Variants in RRM2 observed in about 807,000 individuals in gnomAD.
RRM2 encodes ribonucleotide reductase regulatory subunit M2.
Under a neutral mutation model 45.9 loss-of-function variants are expected in RRM2, and 6 were observed. The ratio of observed to expected loss-of-function variants is 0.13; its 90% confidence interval spans 0.07 to 0.26. RRM2 has a LOEUF of 0.26. RRM2 is among the 10% of genes least tolerant of loss of function. The pLI is 1.00. For missense variants in RRM2, 343 were observed against 489.5 expected (o/e 0.70, Z 2.82); for synonymous variants, 177 against 173.0 (o/e 1.02, Z -0.18).
intron 3 of RRM2, chr2:10,145,925 G>T (rs1387819567): frequency 6.6e-6 from 1 of 152,318 alleles, no homozygotes; most frequent in African/African-American, 2.4e-5. Context: ...AGCTGGGACT[G>T]TGGATCCAAG....
At position 10,131,228 on chromosome 2, in the gene RRM2, G is replaced by A. The variant is rs960282805; in HGVS notation, c.*1842G>A. On this transcript the variant is annotated 3_prime_UTR_variant, in exon 10 of 10. Transcript: ENST00000304567. ...AAAATGAAAGGCTTTGTCTTGCATT[G>A]TGAGGTACAGGCGGAAGTTGGAATC... The A allele has an allele frequency of 6.6e-6, 1 of 152,168 alleles. No individual in the cohort carries two copies. Among genetic ancestry groups the A allele is most frequent in the South Asian group, 2.1e-4 (1 of 4,824 alleles). 9.4% of individuals were successfully genotyped at this position (152,168 alleles called of 1,614,324 possible). A position where few individuals can be genotyped will look rare whatever the true frequency, so the allele number is the denominator to read the frequency against.
intron 3 of RRM2, 87 bp from the exon 4 acceptor site, chr2:10,123,649 G>A: frequency 7.0e-7 from 1 of 1,424,444 alleles, no homozygotes. Flanking sequence ...AGTGGTGCCA[G>A]CATACTTAAA....
Position 10,204,647 on chromosome 2 carries a change from G to A in RRM2, n.483-5664G>A, listed in dbSNP as rs997520983. ...ATTAGGGACAGGACGCTAATGCATC[G>A]GCGCCCCATTGATTCTGCCTGGCTT... On this transcript the variant is annotated intron_variant and non_coding_transcript_variant, in intron 3 of 3. Transcript: ENST00000381786. This position sits in a 1 kb window ranked among gnomAD's most constrained non-coding sequence, Gnocchi z 4.0. 2.0e-5 allele frequency among the ~76,000 whole-genome samples: 3 copies of A among 152,312 alleles called. No individual in the cohort carries two copies. Among genetic ancestry groups the A allele is most frequent in the African/African-American group, 7.2e-5 (3 of 41,532 alleles).
rs1232839567 is a variant in RRM2 at position 10,169,044 on chromosome 2, C to G, written n.482+26669C>G. The stretch of plus-strand genomic sequence containing the variant: ...CTGGAGTGCAGTGGTACAATCACAG[C>G]TCACTGCAGCCTCCACTTCCCAGGC... On this transcript the variant is annotated intron_variant and non_coding_transcript_variant, in intron 3 of 3. Transcript: ENST00000381786. The surrounding 1 kb of genome is among the most constrained non-coding windows in gnomAD (Gnocchi z 5.1). 6.6e-6 allele frequency among the ~76,000 whole-genome samples: 1 copy of G among 152,176 alleles called. No individual in the cohort carries two copies. Among genetic ancestry groups the G allele is most frequent in the African/African-American group, 2.4e-5 (1 of 41,442 alleles).
intron 5 of RRM2, among the ~76,000 whole-genome samples, chr2:10,126,042 C>T (rs2125306827): frequency 6.6e-6 from 1 of 151,928 alleles, no homozygotes; most frequent in Non-Finnish European, 1.5e-5. Context: ...GCTAGTAGTC[C>T]CAGCTACTTG....
At chr2:10,184,637 C>T (rs749423459) in intron 3 of RRM2, among the ~76,000 whole-genome samples, 10 of 152,220 alleles carry the variant, frequency 6.6e-5, no homozygotes, top group Non-Finnish European at 1.3e-4. Flanking sequence ...GCCTCCCGGC[C>T]CCTTGTTCTC....
chr2:10,142,612 C>G (rs1663108290), intron 3 of RRM2, among the ~76,000 whole-genome samples: 2 of 150,740 alleles, frequency 1.3e-5, no homozygotes, highest in South Asian at 4.2e-4. Flanking sequence ...CGATCCCCCT[C>G]CCATTCCAGT....
At chr2:10,146,880 A>T (rs1663197931) in intron 3 of RRM2, among the ~76,000 whole-genome samples, 1 of 152,134 alleles carries the variant, frequency 6.6e-6, no homozygotes, top group African/African-American at 2.4e-5. Context: ...CTTTTTGTGT[A>T]TTCTTTCTAT....
chr2:10,177,553 C>CGT (rs1190452559), intron 3 of RRM2, among the ~76,000 whole-genome samples: 1 of 151,990 alleles, frequency 6.6e-6, no homozygotes, highest in South Asian at 2.1e-4. Flanking sequence ...TGCATCCATT[C>CGT]GTGTGTGTGT....
intron 3 of RRM2, among the ~76,000 whole-genome samples, chr2:10,201,850 C>T (rs1664574936): frequency 6.6e-6 from 1 of 152,196 alleles, no homozygotes; most frequent in Non-Finnish European, 1.5e-5. Flanking sequence ...AGCCAAGCAC[C>T]ATTTCGTATT....
chr2:10,133,753 C>G (rs537851594), downstream of RRM2, among the ~76,000 whole-genome samples: 44 of 146,576 alleles, frequency 3.0e-4, no homozygotes, highest in Admixed American at 2.5e-3. Flanking sequence ...CCCATTGCTG[C>G]TTAAGGTTCA....
rs577645253 is a variant in RRM2, at chr2:10,196,580, T to C, written n.483-13731T>C. Among the ~76,000 whole-genome samples the C allele has an allele frequency of 3.2e-3, 485 of 152,176 alleles. 2 individuals are homozygous for C. The highest frequency in any genetic ancestry group is 5.4e-3 in the Non-Finnish European group (366 of 67,994). On this transcript the variant is annotated intron_variant and non_coding_transcript_variant, in intron 3 of 3. Coordinates refer to the RRM2 transcript ENST00000381786. ...GTGTGAAGAGTCCAGGACCAGCCGTTGTCCCACCCAGCAAAACCCTCTGTG... is the reference window on the plus strand; with the variant it reads ...GTGTGAAGAGTCCAGGACCAGCCGTCGTCCCACCCAGCAAAACCCTCTGTG...
intron 3 of RRM2, among the ~76,000 whole-genome samples, chr2:10,182,198 T>TGTG (rs1429221155): frequency 6.6e-6 from 1 of 151,910 alleles, no homozygotes; most frequent in Non-Finnish European, 1.5e-5. Context: ...ACTGGCTGGG[T>TGTG]GTGGTGGTAC....
chr2:10,136,855 A>T (rs1558384134), upstream of RRM2, among the ~76,000 whole-genome samples: 1 of 152,204 alleles, frequency 6.6e-6, no homozygotes, highest in East Asian at 1.9e-4. Flanking sequence ...TAAGGCTTTT[A>T]CTTTGGGGGT....
At chr2:10,182,060 C>G (rs551220910) in intron 3 of RRM2, among the ~76,000 whole-genome samples, 20 of 152,220 alleles carry the variant, frequency 1.3e-4, no homozygotes, top group African/African-American at 4.1e-4. Flanking sequence ...GCCACTGTGC[C>G]TGGCTCTTTT....
chr2:10,193,150 G>A (rs533207446), intron 3 of RRM2, among the ~76,000 whole-genome samples: 50 of 152,112 alleles, frequency 3.3e-4, no homozygotes, highest in Non-Finnish European at 5.4e-4. Flanking sequence ...CTCCCCCGTC[G>A]GTTCCTTGCT....
chr2:10,140,622 T>C (rs1023034424), upstream of RRM2, among the ~76,000 whole-genome samples: 1 of 152,146 alleles, frequency 6.6e-6, no homozygotes, highest in African/African-American at 2.4e-5. Flanking sequence ...ACAGATCACA[T>C]TTAAACACAG....
chr2:10,197,487 G>T (rs1394138565), intron 3 of RRM2, among the ~76,000 whole-genome samples: 1 of 152,178 alleles, frequency 6.6e-6, no homozygotes, highest in Non-Finnish European at 1.5e-5. Flanking sequence ...CAGAAGGGCT[G>T]GGGGAACTCC....
intron 3 of RRM2, among the ~76,000 whole-genome samples, chr2:10,177,778 C>T (rs746542762): frequency 4.7e-5 from 7 of 147,502 alleles, no homozygotes; most frequent in Non-Finnish European, 7.5e-5. Context: ...TGCGCCATCA[C>T]GTCTGTTTAA....
Sources: allele counts gnomAD v4.1 joint callset (sites outside exome capture counted in the v4.1 genomes callset), GRCh38; gene constraint gnomAD v4.1.1; non-coding constraint Gnocchi (gnomAD v3.1); transcripts MANE v1.5; gene names NCBI Gene and HGNC (gene_info 2026-07-23, HGNC 2026-07-21).